JCAD: variants seen among roughly 807,000 people sequenced by gnomAD.
The protein encoded by JCAD is junctional cadherin 5 associated, also known as junctional cadherin 5-associated protein.
In JCAD, 40 loss-of-function variants were observed where a neutral mutation model predicts 98.0. That is an observed-to-expected ratio of 0.41 (90% CI 0.32 to 0.53). JCAD has a LOEUF of 0.53. Ranked by LOEUF, JCAD falls within the 20% of genes least tolerant of loss-of-function variation. The pLI is 0.31. For missense variants in JCAD, 1,705 were observed against 1,738.1 expected, an observed-to-expected ratio of 0.98 and a Z score of 0.34; for synonymous variants, 691 against 682.3, an observed-to-expected ratio of 1.01 and a Z score of -0.20.
intron 1 of JCAD, among the ~76,000 whole-genome samples, chr10:30,093,844 G>C (rs1171220467): frequency 6.6e-6 from 1 of 152,196 alleles, no homozygotes; most frequent in South Asian, 2.1e-4. Flanking sequence ...AAGTCCTTTT[G>C]CAAGAGTCTC....
chr10:30,062,059 G>A (rs1436986500), upstream of JCAD, among the ~76,000 whole-genome samples: 1 of 152,178 alleles, frequency 6.6e-6, no homozygotes. Context: ...CCTAAGGGCT[G>A]TAGAGTTGCA....
chr10:30,094,661 C>A (rs987654207), intron 1 of JCAD, among the ~76,000 whole-genome samples: 4 of 152,162 alleles, frequency 2.6e-5, no homozygotes, highest in Non-Finnish European at 5.9e-5. Context: ...GACTGCATGG[C>A]AGCCTTATGG....
In JCAD at chr10:30,025,891, A is replaced by C. The variant is rs2132610456; in HGVS notation, c.4045+212T>G. 4.8e-6 allele frequency: 3 copies of C among 630,942 alleles called. No homozygotes were observed. In the South Asian group the frequency reaches 6.0e-5, roughly 13 times the overall value. The allele number at this position is 630,942 out of a possible 1,614,324, so 39.1% of individuals were successfully genotyped here. A position where few individuals can be genotyped will look rare whatever the true frequency, so the allele number is the denominator to read the frequency against. On this transcript the variant is annotated intron_variant, in intron 3 of 3. Coordinates refer to ENST00000375377, the MANE Select transcript of JCAD (RefSeq NM_020848.4). ...AGGCGACAGAGTGAGATACTATCTCAAAAAAATAAAATATACTGCAAGATC... is the reference window on the plus strand; with the variant it reads ...AGGCGACAGAGTGAGATACTATCTCCAAAAAATAAAATATACTGCAAGATC...
chr10:30,088,992 T>C (rs1838212054), intron 1 of JCAD, among the ~76,000 whole-genome samples: 1 of 152,030 alleles, frequency 6.6e-6, no homozygotes, highest in African/African-American at 2.4e-5. Context: ...AATAAATAAA[T>C]AATGCACATT....
intron 1 of JCAD, among the ~76,000 whole-genome samples, chr10:30,110,836 G>A (rs1410946116): frequency 6.6e-6 from 1 of 151,924 alleles, no homozygotes; most frequent in African/African-American, 2.4e-5. Context: ...ACTCAGGTAT[G>A]CACTAACAGA....
At chr10:30,071,170 G>A (rs1837879729) in intron 1 of JCAD, among the ~76,000 whole-genome samples, 1 of 152,174 alleles carries the variant, frequency 6.6e-6, no homozygotes, top group East Asian at 1.9e-4. Flanking sequence ...CTCCCAAAGT[G>A]CTGGGATTAC....
At chr10:30,053,559 C>CA (rs374863516) in intron 1 of JCAD, among the ~76,000 whole-genome samples, 44,600 of 121,502 alleles carry the variant, frequency 0.37, 8,438 homozygotes, top group Non-Finnish European at 0.47. Flanking sequence ...TACTCTGTCT[C>CA]AAAAAAAAAA....
chr10:30,028,406 C>A lies in JCAD; in HGVS notation c.1742G>T (p.Cys581Phe), dbSNP rs1836891505. The change falls in exon 3 of 4, where the codon TGC becomes TTC. Residue 581 changes from cysteine to phenylalanine, a missense_variant. Physicochemically the swap from Cys to Phe is radical, Grantham distance 205. Coordinates refer to ENST00000375377, the MANE Select transcript of JCAD (RefSeq NM_020848.4). The part of the protein sequence containing the change: ...SKKKMNETIF[C>F]LVSIPVKSES... ...TGATTTCACTGGGATAGAAACCAAGCAAAATATAGTCTCGTTCATTTTTTT... is the reference window on the plus strand; with the variant it reads ...TGATTTCACTGGGATAGAAACCAAGAAAAATATAGTCTCGTTCATTTTTTT... 1 of 1,614,052 alleles carries A rather than the reference C, an allele frequency of 6.2e-7. No individual in the cohort carries two copies. The highest frequency in any genetic ancestry group is 1.3e-5 in the African/African-American group (1 of 74,918).
rs557119629 is a variant in JCAD at position 30,043,515 on chromosome 10, C to T, written c.281+4017G>A. Among the ~76,000 whole-genome samples, 246 of 152,250 alleles carry T rather than the reference C, an allele frequency of 1.6e-3. 4 individuals are homozygous for T. The highest frequency in any genetic ancestry group is 1.9e-3 in the Non-Finnish European group (130 of 68,030). On this transcript the variant is annotated intron_variant, in intron 2 of 3. Transcript: ENST00000375377. ...CCTTCCATGTATGCTCCCTTTACAA[C>T]ATCCACAGAAGAGCAGTGTTATGTG...
In JCAD at chr10:30,015,303, C is replaced by A. The variant is rs149465475; in HGVS notation, c.*2580G>T. Reference sequence around the variant, plus strand: ...AACTTTTTCTTCCAGCCACAAAAAACGAAGTTATGTATGTATGAGAAATAG... The same window carrying A: ...AACTTTTTCTTCCAGCCACAAAAAAAGAAGTTATGTATGTATGAGAAATAG... On this transcript the variant is annotated 3_prime_UTR_variant, in exon 4 of 4. Transcript: ENST00000375377. 3 of 152,002 alleles carry A rather than the reference C, an allele frequency of 2.0e-5. No homozygotes were observed. Among genetic ancestry groups the A allele is most frequent in the East Asian group, 1.9e-4 (1 of 5,188 alleles). 9.4% of individuals were successfully genotyped at this position (152,002 alleles called of 1,614,324 possible).
chr10:30,027,801 G>A lies in JCAD; in HGVS notation c.2347C>T (p.Gln783Ter). Residue 783 changes from glutamine (Q) to a stop codon, truncating the protein, a stop_gained, in exon 3 of 4, where the codon CAG becomes TAG. Coordinates refer to ENST00000375377, the MANE Select transcript of JCAD (RefSeq NM_020848.4). LOFTEE classifies it high-confidence loss of function. ...QAPTPKAGRS[Q>*]PCVDVHGLGA... ...AGCCCGTGGACATCCACGCAGGGCT[G>A]ACTTCGGCCTGCTTTTGGCGTCGGT... The A allele has an allele frequency of 6.2e-7, 1 of 1,614,268 alleles. No individual in the cohort carries two copies. The highest frequency in any genetic ancestry group is 8.5e-7 in the Non-Finnish European group (1 of 1,180,042).
chr10:30,100,283 T>C (rs894039467), intron 1 of JCAD, among the ~76,000 whole-genome samples: 3 of 152,210 alleles, frequency 2.0e-5, no homozygotes, highest in African/African-American at 7.2e-5. Context: ...AAATTATGAC[T>C]CTGTTTTGTT....
intron 1 of JCAD, among the ~76,000 whole-genome samples, chr10:30,079,346 C>CA (rs373809311): frequency 0.34 from 22,017 of 64,004 alleles, 3,226 homozygotes; most frequent in East Asian, 0.44. Flanking sequence ...GACTCCATCT[C>CA]AAAAAAAAAA....
At position 30,074,003 on chromosome 10, in the gene JCAD, C is replaced by T. The variant is rs184842331; in HGVS notation, n.129-4182G>A. 3.7e-3 allele frequency among the ~76,000 whole-genome samples: 570 copies of T among 152,134 alleles called. 2 individuals are homozygous for T. The highest frequency in any genetic ancestry group is 0.014 in the Middle Eastern group (4 of 294). ...ATCTGAGCATATGGCTGTGAGTGTG[C>T]CTGCGTGCATATGTACGTGTGTGTG... is the stretch of plus-strand genomic sequence containing the variant. On this transcript the variant is annotated intron_variant and non_coding_transcript_variant, in intron 1 of 2. Transcript: ENST00000465712.
chr10:30,037,577 G>A (rs1458571806), intron 2 of JCAD, among the ~76,000 whole-genome samples: 5 of 152,152 alleles, frequency 3.3e-5, no homozygotes, highest in Non-Finnish European at 7.3e-5. Flanking sequence ...CTAGATGACA[G>A]GCAGTGCAGA....
At position 30,029,592 on chromosome 10, in the gene JCAD, G is replaced by A. The variant is rs779356957; in HGVS notation, c.556C>T (p.Leu186=). ...SGPAKWQNVS[L]ESWNQPRKLG... ...TTCCTTGGCTGGTTCCAGCTTTCCA[G>A]GCTGACGTTCTGCCACTTGGCAGGA... Residue 186 remains leucine, a synonymous_variant, in exon 3 of 4, where the codon CTG becomes TTG. Transcript: ENST00000375377. 61 of 1,614,102 alleles carry A rather than the reference G, an allele frequency of 3.8e-5. No individual in the cohort carries two copies. The highest frequency in any genetic ancestry group is 5.1e-5 in the Non-Finnish European group (60 of 1,180,032).
intron 1 of JCAD, 63 bp from the exon 2 acceptor site, chr10:30,047,934 C>T (rs2132644382): frequency 9.6e-7 from 1 of 1,046,680 alleles, no homozygotes; most frequent in East Asian, 2.5e-5. Context: ...CTGACACCTC[C>T]TCCTCCCGTG....
chr10:30,033,844 C>T (rs955464137), intron 2 of JCAD, among the ~76,000 whole-genome samples: 1 of 152,152 alleles, frequency 6.6e-6, no homozygotes, highest in Non-Finnish European at 1.5e-5. Context: ...TGGGCAGGAG[C>T]CCTGGTAAAA....
In JCAD at chr10:30,013,080, G is replaced by T. The variant is rs1201015439; in HGVS notation, c.*4803C>A. On this transcript the variant is annotated 3_prime_UTR_variant, in exon 4 of 4. Transcript: ENST00000375377. ...AGCCGGCAATCGGCCATTACCAATG[G>T]TGTCTTTCTGGGACCCTTTCTACCT... The T allele has an allele frequency of 1.3e-5, 2 of 152,242 alleles. No individual in the cohort carries two copies. The highest frequency in any genetic ancestry group is 4.8e-5 in the African/African-American group (2 of 41,448). The allele number at this position is 152,242 out of a possible 1,614,324, so 9.4% of individuals were successfully genotyped here. A position where few individuals can be genotyped will look rare whatever the true frequency, so the allele number is the denominator to read the frequency against.
Sources: gnomAD v4.1 joint callset for allele counts (sites outside exome capture counted in the v4.1 genomes callset) on GRCh38, gnomAD v4.1.1 for gene constraint, MANE v1.5 for transcripts, NCBI Gene and HGNC (gene_info 2026-07-23, HGNC 2026-07-21) for gene names.